TMEM170B: variants seen among roughly 807,000 people sequenced by gnomAD.
TMEM170B encodes the protein transmembrane protein 170B.
Under a neutral mutation model 13.0 loss-of-function variants are expected in TMEM170B, and 6 were observed. The observed-to-expected ratio is 0.46, with a 90% CI of 0.25 to 0.91. TMEM170B has a LOEUF of 0.91. Among genes scored for constraint, TMEM170B ranks in the 40% least tolerant of loss-of-function variants. TMEM170B has a pLI of 0.17. For synonymous variants in TMEM170B, 61 were observed against 64.9 expected, an observed-to-expected ratio of 0.94 and a Z score of 0.29; for missense variants, 138 against 165.2, an observed-to-expected ratio of 0.84 and a Z score of 0.90.
chr6:11,567,113 C>T (rs1472244734), intron 2 of TMEM170B, among the ~76,000 whole-genome samples: 1 of 152,218 alleles, frequency 6.6e-6, no homozygotes, highest in African/African-American at 2.4e-5. Context: ...TGGGGGCAGC[C>T]CTCTCCTGCC....
chr6:11,561,627 A>G (rs977002680), intron 1 of TMEM170B, among the ~76,000 whole-genome samples: 3 of 152,194 alleles, frequency 2.0e-5, no homozygotes, highest in Admixed American at 6.5e-5. Context: ...CAGGTAATTC[A>G]AAATAATAGT....
chr6:11,543,914 A>C (rs1218179950), intron 1 of TMEM170B, among the ~76,000 whole-genome samples: 1 of 152,240 alleles, frequency 6.6e-6, no homozygotes, highest in African/African-American at 2.4e-5. Context: ...ACCTCTAGAA[A>C]GTAGTCTTGT....
At chr6:11,554,840 T>A (rs1759568711) in intron 1 of TMEM170B, among the ~76,000 whole-genome samples, 1 of 152,158 alleles carries the variant, frequency 6.6e-6, no homozygotes, top group Non-Finnish European at 1.5e-5. Context: ...CTATTAAGTA[T>A]CTACAGTAGC....
rs78582528 is a variant in TMEM170B at position 11,575,942 on chromosome 6, T to C, written c.*381T>C. ...CAAACTCTTTTCTTTTTGTTAACAT[T>C]GATCATGTGACAATTTGCAAGTGTA... is the stretch of plus-strand genomic sequence containing the variant. On this transcript the variant is annotated 3_prime_UTR_variant, in exon 3 of 3. Coordinates refer to ENST00000379426, the MANE Select transcript of TMEM170B (RefSeq NM_001100829.3). The surrounding 1 kb of genome is among the most constrained non-coding windows in gnomAD (Gnocchi z 4.1). 0.05 allele frequency: 8,003 copies of C among 160,868 alleles called. 284 individuals carry two copies. The highest frequency in any genetic ancestry group is 0.095 in the African/African-American group (3,987 of 41,760). 10.0% of individuals were successfully genotyped at this position (160,868 alleles called of 1,614,324 possible).
Position 11,538,271 on chromosome 6 carries a change from G to C in TMEM170B, c.-7G>C. ...GAGGAGAGGGCGGCGGGCGCCCCTC[G>C]GGGAAGATGAAGGCGGAGGGGGGCG... On this transcript the variant is annotated 5_prime_UTR_variant, in exon 1 of 3. Transcript: ENST00000379426. The C allele has an allele frequency of 1.5e-6, 2 of 1,356,806 alleles. No homozygotes were observed. The highest frequency in any genetic ancestry group is 1.9e-6 in the Non-Finnish European group (2 of 1,052,354). The allele number at this position is 1,356,806 out of a possible 1,614,324, so 84.0% of individuals were successfully genotyped here.
At chr6:11,547,216 CAAAG>C (rs1759451808) in intron 1 of TMEM170B, among the ~76,000 whole-genome samples, 1 of 151,856 alleles carries the variant, frequency 6.6e-6, no homozygotes, top group African/African-American at 2.4e-5. Flanking sequence ...TAGTGTCAGT[CAAAG>C]AAAAAATAAA....
intron 1 of TMEM170B, among the ~76,000 whole-genome samples, chr6:11,550,680 G>A (rs923499655): frequency 6.6e-6 from 1 of 152,132 alleles, no homozygotes; most frequent in African/African-American, 2.4e-5. Flanking sequence ...TTTCATTTGA[G>A]CCTCACAATA....
At chr6:11,545,602 T>C (rs1013262037) in intron 1 of TMEM170B, among the ~76,000 whole-genome samples, 1 of 152,142 alleles carries the variant, frequency 6.6e-6, no homozygotes, top group Admixed American at 6.5e-5. Flanking sequence ...AGACCTACTG[T>C]ACTGCCTGTT....
chr6:11,541,511 A>G (rs1759360720), intron 1 of TMEM170B, among the ~76,000 whole-genome samples: 1 of 152,194 alleles, frequency 6.6e-6, no homozygotes, highest in Non-Finnish European at 1.5e-5. Flanking sequence ...TCTCTGGGTT[A>G]GGCTTTGGCT....
At chr6:11,542,208 T>G (rs1403137) in intron 1 of TMEM170B, among the ~76,000 whole-genome samples, 1,596 of 152,278 alleles carry the variant, frequency 0.01, 28 homozygotes, top group African/African-American at 0.035. Flanking sequence ...TATTAATCAC[T>G]GGATTAGCTC....
chr6:11,564,747 C>T (rs990751793), intron 1 of TMEM170B, among the ~76,000 whole-genome samples: 1 of 152,306 alleles, frequency 6.6e-6, no homozygotes, highest in East Asian at 1.9e-4. Context: ...CTGTGGCTTT[C>T]ATCATGCGAC....
intron 1 of TMEM170B, among the ~76,000 whole-genome samples, chr6:11,550,329 A>G (rs1436602261): frequency 1.3e-5 from 2 of 151,980 alleles, no homozygotes; most frequent in African/African-American, 4.8e-5. Flanking sequence ...GCCCACCACC[A>G]TGCCCAGCTA....
intron 2 of TMEM170B, among the ~76,000 whole-genome samples, chr6:11,572,673 C>T (rs1164959258): frequency 6.6e-6 from 1 of 151,962 alleles, no homozygotes; most frequent in East Asian, 1.9e-4. Context: ...TAGAGCAAAG[C>T]CCCTTTTGAC....
At chr6:11,551,877 T>G (rs776137682) in intron 1 of TMEM170B, among the ~76,000 whole-genome samples, 1 of 152,114 alleles carries the variant, frequency 6.6e-6, no homozygotes, top group Non-Finnish European at 1.5e-5. Flanking sequence ...CAGGACATGA[T>G]TATGTTGCTG....
intron 2 of TMEM170B, among the ~76,000 whole-genome samples, chr6:11,567,255 C>T (rs1759746131): frequency 6.6e-6 from 1 of 152,202 alleles, no homozygotes; most frequent in South Asian, 2.1e-4. Flanking sequence ...GAACCGGGTG[C>T]CTCTCTGAGC....
chr6:11,569,173 C>T (rs1020822148), intron 2 of TMEM170B, among the ~76,000 whole-genome samples: 1 of 151,902 alleles, frequency 6.6e-6, no homozygotes, highest in African/African-American at 2.4e-5. Context: ...TATTAGGTTA[C>T]AGATATTTTT....
At chr6:11,565,988 G>C in intron 2 of TMEM170B, 152 bp downstream of exon 2, 1 of 711,934 alleles carries the variant, frequency 1.4e-6, no homozygotes, top group Non-Finnish European at 2.3e-6. Context: ...ATAAAGATGA[G>C]CTGATTTATT....
chr6:11,564,363 C>CT (rs1240199925), intron 1 of TMEM170B, among the ~76,000 whole-genome samples: 20 of 152,190 alleles, frequency 1.3e-4, no homozygotes, highest in African/African-American at 4.8e-4. Flanking sequence ...CAGTAAATAT[C>CT]TATGTTTAAT....
intron 1 of TMEM170B, among the ~76,000 whole-genome samples, chr6:11,549,032 C>T (rs1235305333): frequency 3.9e-5 from 6 of 151,982 alleles, no homozygotes; most frequent in African/African-American, 1.5e-4. Context: ...ATGTAACAAA[C>T]CTGCACGTTG....
Sources: allele counts gnomAD v4.1 joint callset (sites outside exome capture counted in the v4.1 genomes callset), GRCh38; gene constraint gnomAD v4.1.1; non-coding constraint Gnocchi (gnomAD v3.1); transcripts MANE v1.5; gene names NCBI Gene and HGNC (gene_info 2026-07-23, HGNC 2026-07-21).